SP140: variants seen among roughly 807,000 people sequenced by gnomAD.
SP140 encodes the protein nuclear body protein SP140.
A neutral mutation model predicts 125.0 loss-of-function variants in SP140; 81 were observed. The observed-to-expected ratio is 0.65, with a 90% confidence interval of 0.54 to 0.78. SP140 has a LOEUF of 0.78. Among genes scored for constraint, SP140 ranks in the 30% least tolerant of loss-of-function variants. The probability of loss-of-function intolerance (pLI) is 0.00; values close to 1 mark genes in which losing one functional copy is unlikely to be tolerated. For missense variants in SP140, 858 were observed against 1,037.0 expected (o/e 0.83, Z 2.37); for synonymous variants, 312 against 354.0 (o/e 0.88, Z 1.33).
Position 230,212,265 on chromosome 2 carries a change from C to T in SP140, c.-322-1389C>T. 2.9e-6 allele frequency: 3 copies of T among 1,033,898 alleles called. No homozygotes were observed. In the South Asian group the frequency reaches 3.8e-5, roughly 13 times the overall value. The allele number at this position is 1,033,898 out of a possible 1,614,324, so 64.0% of individuals were successfully genotyped here. ...TCAGTTCTTTTTCCCAGGGTTCCCA[C>T]CATAGCCTCTTGGTTGGCAGACGCA... On this transcript the variant is annotated intron_variant, in intron 1 of 4. Transcript: ENST00000456542.
At chr2:230,312,485 C>A in intron 26 of SP140, 101 bp from the exon 27 acceptor site, 1 of 681,294 alleles carries the variant, frequency 1.5e-6, no homozygotes, top group Non-Finnish European at 2.4e-6. Flanking sequence ...ACTTACAGTA[C>A]TTTTTTTTTT....
At chr2:230,294,381 T>C in intron 21 of SP140, 63 bp downstream of exon 21, 2 of 1,264,050 alleles carry the variant, frequency 1.6e-6, no homozygotes, top group South Asian at 1.2e-5. Flanking sequence ...GCACAAAATC[T>C]TATTTTATGG....
the SP140 span, among the ~76,000 whole-genome samples, chr2:230,196,006 T>C: frequency 2.0e-5 from 3 of 152,198 alleles, no homozygotes; most frequent in African/African-American, 7.2e-5. Flanking sequence ...TCTATATTAC[T>C]ACTAATCAAA....
intron 22 of SP140, among the ~76,000 whole-genome samples, chr2:230,307,972 TATATATATATATATATATACAC>T (rs1462649167): frequency 2.3e-5 from 2 of 86,564 alleles, no homozygotes; most frequent in East Asian, 2.7e-4. Context: ...TATATATATA[TATATATATATATATATATACAC>T]ACACACACAC....
intron 1 of SP140, among the ~76,000 whole-genome samples, chr2:230,209,692 T>G (rs1021494843): frequency 1.3e-5 from 2 of 152,184 alleles, no homozygotes; most frequent in Admixed American, 6.5e-5. Context: ...GAGATTGATT[T>G]TTTCAGAACA....
chr2:230,199,753 C>T (rs1124534), upstream of SP140, among the ~76,000 whole-genome samples: 21,345 of 151,804 alleles, frequency 0.14, 1,744 homozygotes, highest in South Asian at 0.27. Context: ...AGTTTATTTC[C>T]ATTATCCATA....
At chr2:230,307,945 G>A (rs2058920562) in intron 22 of SP140, among the ~76,000 whole-genome samples, 1 of 76,806 alleles carries the variant, frequency 1.3e-5, no homozygotes, top group Admixed American at 1.6e-4. Flanking sequence ...AAAGACACTT[G>A]GACATGCATG....
chr2:230,249,150 G>A (rs1166197204), intron 9 of SP140, among the ~76,000 whole-genome samples, 182 bp downstream of exon 9: 7 of 152,156 alleles, frequency 4.6e-5, no homozygotes, highest in Admixed American at 3.9e-4. Context: ...AAAGGATCAA[G>A]GTGAGCTGAG....
At chr2:230,244,896 C>A in intron 5 of SP140, 92 bp from the exon 6 acceptor site, 1 of 858,346 alleles carries the variant, frequency 1.2e-6, no homozygotes, top group Non-Finnish European at 1.9e-6. Context: ...TGTTTTTTTG[C>A]AAGGAGAAGC....
At chr2:230,244,169 AATG>A (rs1268365703) in intron 5 of SP140, among the ~76,000 whole-genome samples, 2 of 152,218 alleles carry the variant, frequency 1.3e-5, no homozygotes, top group Non-Finnish European at 2.9e-5. Flanking sequence ...CGAAAAACTA[AATG>A]ATAATTTTTG....
intron 22 of SP140, among the ~76,000 whole-genome samples, chr2:230,303,124 T>C (rs1028639300): frequency 1.3e-5 from 2 of 151,840 alleles, no homozygotes; most frequent in Admixed American, 1.3e-4. Context: ...AAAAAGCTGG[T>C]TATTTGAAAA....
chr2:230,236,265 A>G lies in SP140; in HGVS notation c.60-818A>G, dbSNP rs184131994. ...TGCCACCCTCCTTTTGCAGTTACAG[A>G]TGGAGGAGATACATCTCCTTTACAT... is the stretch of plus-strand genomic sequence containing the variant. On this transcript the variant is annotated intron_variant, in intron 1 of 26. Transcript: ENST00000392045. Among the ~76,000 whole-genome samples, 4 of 152,256 alleles carry G rather than the reference A, an allele frequency of 2.6e-5. No homozygotes were observed. In the East Asian group the frequency reaches 5.8e-4, roughly 22 times the overall value.
downstream of SP140, among the ~76,000 whole-genome samples, chr2:230,314,587 G>A (rs528185667): frequency 2.8e-4 from 42 of 152,338 alleles, 1 homozygote; most frequent in African/African-American, 9.1e-4. Flanking sequence ...TATAAGCCAT[G>A]GTACACATTA....
At position 230,244,987 on chromosome 2, in the gene SP140, G is replaced by C. The variant is rs376076382; in HGVS notation, c.572-1G>C. 6.2e-7 allele frequency: 1 copy of C among 1,610,040 alleles called. No individual in the cohort carries two copies. The highest frequency in any genetic ancestry group is 8.5e-7 in the Non-Finnish European group (1 of 1,177,220). On this transcript the variant is annotated splice_acceptor_variant, in intron 5 of 26. Coordinates refer to ENST00000392045, the MANE Select transcript of SP140 (RefSeq NM_007237.5). LOFTEE classifies it high-confidence loss of function. ...CATCACTGTGCCTTGTTTATTTCCA[G>C]GTTTCTCTTCAGAGTCTTGTGAGCA... is the stretch of plus-strand genomic sequence containing the variant.
chr2:230,189,257 G>A, the SP140 span, among the ~76,000 whole-genome samples: 9 of 151,372 alleles, frequency 5.9e-5, no homozygotes, highest in African/African-American at 2.2e-4. Context: ...CTAGTTCCTT[G>A]AGGCATGACA....
intron 9 of SP140, among the ~76,000 whole-genome samples, chr2:230,249,231 C>T (rs921903518): frequency 3.3e-5 from 5 of 152,058 alleles, no homozygotes; most frequent in Admixed American, 6.6e-5. Context: ...TAGGCTGGGG[C>T]GCCAGAGAAG....
rs371483778 is a variant in SP140, at chr2:230,292,590, T to C, written c.1826-56T>C. On this transcript the variant is annotated intron_variant, in intron 19 of 26. Coordinates refer to ENST00000392045, the MANE Select transcript of SP140 (RefSeq NM_007237.5). ...CTAGATCCAGTGTGGTGAGTGGCCA[T>C]AGTCTGTGCGCTGGGAAAAAAGAGG... 3.1e-6 allele frequency: 5 copies of C among 1,610,320 alleles called. No individual in the cohort carries two copies. In the African/African-American group the frequency reaches 4.0e-5, roughly 13 times the overall value.
At chr2:230,297,578 G>A in intron 22 of SP140, 116 bp downstream of exon 22, 2 of 1,254,248 alleles carry the variant, frequency 1.6e-6, no homozygotes, top group Non-Finnish European at 2.3e-6. Context: ...TGGAGTATGT[G>A]GCTGTGTGAA....
intron 3 of SP140, chr2:230,217,056 G>A: frequency 1.4e-6 from 1 of 692,400 alleles, no homozygotes. Flanking sequence ...GACCATCCTG[G>A]CCAACATGGT....
Sources: gnomAD v4.1 joint callset for allele counts (sites outside exome capture counted in the v4.1 genomes callset) on GRCh38, gnomAD v4.1.1 for gene constraint, MANE v1.5 for transcripts, NCBI Gene and HGNC (gene_info 2026-07-23, HGNC 2026-07-21) for gene names.